RBM6: variants seen among roughly 807,000 people sequenced by gnomAD.
RBM6 encodes the protein RNA binding motif protein 6, also known as RNA-binding protein 6.
Under a neutral mutation model 140.4 loss-of-function variants are expected in RBM6, and 23 were observed. The ratio of observed to expected loss-of-function variants is 0.16; its 90% CI spans 0.12 to 0.23. The LOEUF is 0.23. Ranked by LOEUF, RBM6 falls within the 10% of genes least tolerant of loss-of-function variation. The pLI, the probability that RBM6 is intolerant of heterozygous loss-of-function variation, is 1.00. For missense variants in RBM6, 1,139 were observed against 1,386.7 expected, an observed-to-expected ratio of 0.82 and a Z score of 2.84; for synonymous variants, 439 against 475.6, an observed-to-expected ratio of 0.92 and a Z score of 1.00.
chr3:50,024,049 G>T (rs898940516), intron 6 of RBM6, among the ~76,000 whole-genome samples: 2 of 152,156 alleles, frequency 1.3e-5, no homozygotes, highest in African/African-American at 2.4e-5. Context: ...TGTGGCTTAA[G>T]ATAAACTTCC....
chr3:50,030,006 G>A (rs1413764925), intron 6 of RBM6, among the ~76,000 whole-genome samples: 3 of 151,384 alleles, frequency 2.0e-5, no homozygotes, highest in African/African-American at 7.3e-5. Flanking sequence ...TCCAGCATGG[G>A]CAACAGAGTG....
intron 5 of RBM6, among the ~76,000 whole-genome samples, chr3:49,990,793 A>G (rs2085782855): frequency 6.6e-6 from 1 of 152,220 alleles, no homozygotes; most frequent in Non-Finnish European, 1.5e-5. Context: ...AACAAGCCCC[A>G]GGTGAATTGA....
intron 5 of RBM6, among the ~76,000 whole-genome samples, chr3:49,994,895 A>G (rs1292885727): frequency 6.6e-6 from 1 of 152,112 alleles, no homozygotes; most frequent in African/African-American, 2.4e-5. Context: ...GGGTATGTTC[A>G]TTGGGTTTTC....
chr3:50,000,831 C>T (rs2086292904), intron 6 of RBM6, among the ~76,000 whole-genome samples: 1 of 152,152 alleles, frequency 6.6e-6, no homozygotes, highest in Admixed American at 6.5e-5. Context: ...CAGTGTGGCT[C>T]ATTATACGTA....
chr3:49,941,657 A>C (rs2083286779), intron 1 of RBM6, among the ~76,000 whole-genome samples: 2 of 150,502 alleles, frequency 1.3e-5, no homozygotes, highest in South Asian at 2.1e-4. Flanking sequence ...AAAAAAAAAA[A>C]AAAAAAAAAA....
At chr3:49,973,432 C>G (rs1332948643) in intron 4 of RBM6, among the ~76,000 whole-genome samples, 6 of 151,950 alleles carry the variant, frequency 3.9e-5, no homozygotes, top group African/African-American at 1.5e-4. Flanking sequence ...GTGCTGTGGC[C>G]CTGGACTGTA....
chr3:50,068,121 A>C (rs1049022174), intron 17 of RBM6, among the ~76,000 whole-genome samples: 7 of 152,256 alleles, frequency 4.6e-5, no homozygotes, highest in African/African-American at 1.7e-4. Context: ...AACTGGTCAT[A>C]GGACAGTGGA....
At chr3:50,063,331 G>A (rs1262227226) in intron 15 of RBM6, among the ~76,000 whole-genome samples, 1 of 152,106 alleles carries the variant, frequency 6.6e-6, no homozygotes. Flanking sequence ...ATTAGGCAGG[G>A]TGCAGTGGCT....
chr3:49,993,384 A>G (rs535992457), intron 5 of RBM6, among the ~76,000 whole-genome samples: 4 of 152,210 alleles, frequency 2.6e-5, no homozygotes, highest in Non-Finnish European at 4.4e-5. Flanking sequence ...GCTCACTCCT[A>G]TAATCCCAGC....
chr3:49,970,078 C>T (rs2084720122), intron 3 of RBM6, among the ~76,000 whole-genome samples: 1 of 152,014 alleles, frequency 6.6e-6, no homozygotes, highest in Non-Finnish European at 1.5e-5. Context: ...GTAGTTGGGA[C>T]TGTAGTTGTG....
In RBM6 at chr3:49,943,104, C is replaced by T. The variant is rs117128632; in HGVS notation, c.-67+2879C>T. On this transcript the variant is annotated intron_variant, in intron 1 of 20. Coordinates refer to ENST00000266022, the MANE Select transcript of RBM6 (RefSeq NM_005777.3). ...TTTCATTCCTTTTTAAGGCTTAATC[C>T]GTTGTGTGTGTACACTACATTTTGT... Among the ~76,000 whole-genome samples, 302 of 152,116 alleles carry T rather than the reference C, an allele frequency of 2.0e-3. 9 individuals are homozygous for T. In the East Asian group the frequency reaches 0.047, roughly 24 times the overall value.
chr3:49,978,100 A>C (rs1194834769), intron 5 of RBM6, among the ~76,000 whole-genome samples: 1 of 152,164 alleles, frequency 6.6e-6, no homozygotes, highest in Non-Finnish European at 1.5e-5. Flanking sequence ...CCCTCGGCTC[A>C]AGTGATCCTT....
chr3:49,945,682 A>C (rs1057418272), intron 1 of RBM6, among the ~76,000 whole-genome samples: 2 of 151,960 alleles, frequency 1.3e-5, no homozygotes, highest in African/African-American at 2.4e-5. Flanking sequence ...GGAGATCGAG[A>C]CCATCCTGGC....
chr3:50,041,910 G>C (rs962585615), intron 6 of RBM6, among the ~76,000 whole-genome samples: 1 of 152,132 alleles, frequency 6.6e-6, no homozygotes, highest in Non-Finnish European at 1.5e-5. Flanking sequence ...GTCATGAATG[G>C]ACTGACTCTC....
rs769031350 is a variant in RBM6 at position 50,058,551 on chromosome 3, G to A, written c.2119G>A (p.Asp707Asn). 3 of 1,607,728 alleles carry A rather than the reference G, an allele frequency of 1.9e-6. No individual in the cohort carries two copies. The highest frequency in any genetic ancestry group is 1.3e-5 in the African/African-American group (1 of 74,762). Residue 707 changes from aspartate to asparagine, a missense_variant, in exon 10 of 21, where the codon GAC (aspartate) becomes AAC (asparagine). Physicochemically the swap from Asp to Asn is conservative, Grantham distance 23. Coordinates refer to ENST00000266022, the MANE Select transcript of RBM6 (RefSeq NM_005777.3). ...GCATACCTATGGCTTTATTGACCTC[G>A]ACTCCCATGCGGTGAGTTTCCTCCA... Reference protein sequence around the residue: ...MGHTYGFIDLDSHAEALRVVK... With the variant: ...MGHTYGFIDLNSHAEALRVVK...
intron 5 of RBM6, among the ~76,000 whole-genome samples, chr3:49,981,027 G>T (rs576059501): frequency 6.6e-6 from 1 of 151,454 alleles, no homozygotes; most frequent in South Asian, 2.1e-4. Context: ...CTCAGCCATC[G>T]GAGTAGCTGG....
chr3:49,997,060 T>C (rs1481563069), intron 5 of RBM6, among the ~76,000 whole-genome samples: 1 of 152,214 alleles, frequency 6.6e-6, no homozygotes, highest in Non-Finnish European at 1.5e-5. Flanking sequence ...AATAAAATCT[T>C]GAACCAACAA....
At chr3:49,991,918 C>CTTCATTTTATTTTAT (rs2085843715) in intron 5 of RBM6, among the ~76,000 whole-genome samples, 2 of 132,848 alleles carry the variant, frequency 1.5e-5, no homozygotes. Flanking sequence ...ATCCCAGAGC[C>CTTCATTTTATTTTAT]TTTATTTTAT....
chr3:50,036,503 C>T (rs1263468422), intron 6 of RBM6, among the ~76,000 whole-genome samples: 2 of 151,930 alleles, frequency 1.3e-5, no homozygotes, highest in African/African-American at 4.8e-5. Flanking sequence ...CATTCCCTCA[C>T]TCTATACATA....
Sources: gnomAD v4.1 joint callset for allele counts (sites outside exome capture counted in the v4.1 genomes callset) on GRCh38, gnomAD v4.1.1 for gene constraint, MANE v1.5 for transcripts, NCBI Gene and HGNC (gene_info 2026-07-23, HGNC 2026-07-21) for gene names.